Variants in ERC1 observed in about 807,000 individuals in gnomAD.
The protein encoded by ERC1 is RAB6 interacting protein 2.
Under a neutral mutation model 132.0 loss-of-function variants are expected in ERC1, and 56 were observed. The ratio of observed to expected loss-of-function variants is 0.42; its 90% CI spans 0.34 to 0.53. ERC1 has a LOEUF of 0.53. ERC1 is among the 20% of genes least tolerant of loss of function. The pLI is 0.03. For synonymous variants in ERC1, 478 were observed against 476.1 expected, an observed-to-expected ratio of 1.00 and a Z score of -0.05; for missense variants, 1,202 against 1,349.9, an observed-to-expected ratio of 0.89 and a Z score of 1.72.
intron 14 of ERC1, among the ~76,000 whole-genome samples, chr12:1,272,676 G>T (rs576628518): frequency 6.6e-6 from 1 of 152,024 alleles, no homozygotes; most frequent in Non-Finnish European, 1.5e-5. Flanking sequence ...TAGGCCGGGC[G>T]CTGTGGCTTA....
chr12:1,119,267 GT>G (rs11342123), intron 7 of ERC1, among the ~76,000 whole-genome samples: 4 of 138,130 alleles, frequency 2.9e-5, no homozygotes, highest in South Asian at 2.1e-4. Flanking sequence ...TGTTTTTTTT[GT>G]TTTTTTTTTC....
intron 13 of ERC1, among the ~76,000 whole-genome samples, chr12:1,238,967 G>A (rs986333400): frequency 3.3e-5 from 5 of 152,124 alleles, no homozygotes; most frequent in Non-Finnish European, 5.9e-5. Context: ...AAAGATAGCT[G>A]ATGGCCATGT....
chr12:1,256,892 G>T (rs2076852170), intron 13 of ERC1, among the ~76,000 whole-genome samples: 1 of 150,538 alleles, frequency 6.6e-6, no homozygotes. Context: ...AAGAAATTTT[G>T]TCTTCATTGA....
chr12:1,355,729 A>T (rs2085458857), intron 15 of ERC1, among the ~76,000 whole-genome samples: 1 of 152,232 alleles, frequency 6.6e-6, no homozygotes, highest in South Asian at 2.1e-4. Flanking sequence ...GGTCACAGAC[A>T]GAATGGTATT....
At chr12:1,239,456 C>T (rs1199248929) in intron 13 of ERC1, among the ~76,000 whole-genome samples, 1 of 152,130 alleles carries the variant, frequency 6.6e-6, no homozygotes, top group South Asian at 2.1e-4. Flanking sequence ...AGCCGGCCAT[C>T]GTGGCTTATG....
intron 14 of ERC1, among the ~76,000 whole-genome samples, chr12:1,265,777 G>A (rs746349628): frequency 9.9e-5 from 15 of 152,054 alleles, no homozygotes; most frequent in African/African-American, 1.9e-4. Flanking sequence ...TAGTTTTGCC[G>A]TTTTCTTTAT....
intron 16 of ERC1, among the ~76,000 whole-genome samples, chr12:1,400,270 T>C (rs7958646): frequency 0.21 from 32,519 of 152,128 alleles, 6,411 homozygotes; most frequent in African/African-American, 0.53. Context: ...TCATTTTTAA[T>C]TGGGGTATTT....
intron 12 of ERC1, among the ~76,000 whole-genome samples, chr12:1,232,730 T>A (rs1328139206): frequency 6.6e-6 from 1 of 152,132 alleles, no homozygotes; most frequent in Non-Finnish European, 1.5e-5. Context: ...GTTTCCTGAT[T>A]TTTGTTTCTG....
At chr12:1,319,546 C>G (rs2081979906) in intron 15 of ERC1, among the ~76,000 whole-genome samples, 1 of 152,136 alleles carries the variant, frequency 6.6e-6, no homozygotes, top group Non-Finnish European at 1.5e-5. Context: ...TATTTTCTTT[C>G]AAGTAAATAA....
chr12:1,192,255 A>G (rs1181715739), intron 12 of ERC1, among the ~76,000 whole-genome samples: 2 of 152,254 alleles, frequency 1.3e-5, no homozygotes, highest in African/African-American at 4.8e-5. Flanking sequence ...AAACTAAGGT[A>G]GATTTTAGTT....
At chr12:1,229,743 GACAA>G (rs1020476725) in intron 12 of ERC1, among the ~76,000 whole-genome samples, 6 of 151,944 alleles carry the variant, frequency 3.9e-5, no homozygotes, top group African/African-American at 1.2e-4. Context: ...ATTATCTTTT[GACAA>G]ACAACTATTA....
At chr12:1,074,842 C>CT (rs781150177) in intron 2 of ERC1, among the ~76,000 whole-genome samples, 3 of 152,052 alleles carry the variant, frequency 2.0e-5, no homozygotes, top group East Asian at 1.9e-4. Context: ...ACTCTGACAT[C>CT]TTTTTTTAGA....
intron 15 of ERC1, among the ~76,000 whole-genome samples, chr12:1,333,130 G>A (rs1373777170): frequency 6.6e-6 from 1 of 150,426 alleles, no homozygotes; most frequent in Non-Finnish European, 1.5e-5. Context: ...AGGCGCCAGT[G>A]GCTGTTGTTC....
intron 1 of ERC1, among the ~76,000 whole-genome samples, chr12:1,006,379 A>G (rs887205701): frequency 1.3e-5 from 2 of 152,128 alleles, no homozygotes; most frequent in African/African-American, 4.8e-5. Context: ...GACTGTAGGC[A>G]TGCGCCAGCA....
rs546698514 is a variant in ERC1, at chr12:1,385,439, C to T, written c.2925+13462C>T. On this transcript the variant is annotated intron_variant, in intron 16 of 18. Coordinates refer to ENST00000360905, the MANE Select transcript of ERC1 (RefSeq NM_178040.4). ...CTGGGACTACAGGCGCCCGCCACCA[C>T]GCCCTGCTAATTTTCTTGTATTTTT... is the stretch of plus-strand genomic sequence containing the variant. Among the ~76,000 whole-genome samples the T allele has an allele frequency of 3.3e-3, 495 of 152,240 alleles. 1 individual carries two copies. Among genetic ancestry groups the T allele is most frequent in the Non-Finnish European group, 5.4e-3 (370 of 68,002 alleles).
At chr12:1,482,099 C>G (rs79994312) in intron 18 of ERC1, among the ~76,000 whole-genome samples, 2,105 of 152,240 alleles carry the variant, frequency 0.014, 58 homozygotes, top group African/African-American at 0.048. Context: ...AATGGAATGG[C>G]GGTCTGCTGA....
At chr12:1,302,058 T>A (rs1490006921) in intron 15 of ERC1, among the ~76,000 whole-genome samples, 1 of 152,166 alleles carries the variant, frequency 6.6e-6, no homozygotes, top group African/African-American at 2.4e-5. Flanking sequence ...AAAGAATAAA[T>A]TACACATCAG....
intron 1 of ERC1, among the ~76,000 whole-genome samples, chr12:997,685 T>TAATTC (rs1284291047): frequency 6.6e-6 from 1 of 152,160 alleles, no homozygotes; most frequent in Admixed American, 6.6e-5. Flanking sequence ...TGCTGCTGAA[T>TAATTC]AGCATGAGAA....
intron 11 of ERC1, among the ~76,000 whole-genome samples, chr12:1,188,102 A>G (rs1955310867): frequency 1.3e-5 from 2 of 152,216 alleles, no homozygotes; most frequent in Non-Finnish European, 2.9e-5. Flanking sequence ...GAATTATCTC[A>G]GTGACGTTAA....
Sources: allele counts gnomAD v4.1 joint callset (sites outside exome capture counted in the v4.1 genomes callset), GRCh38; gene constraint gnomAD v4.1.1; transcripts MANE v1.5; gene names NCBI Gene and HGNC (gene_info 2026-07-23, HGNC 2026-07-21).